The following GIGYF2 variants were observed in gnomAD, a reference collection of about 807,000 sequenced individuals.
The protein encoded by GIGYF2 is GRB10-interacting GYF protein 2.
In GIGYF2, 25 loss-of-function variants were observed where a neutral mutation model predicts 208.1. The ratio of observed to expected loss-of-function variants is 0.12; its 90% confidence interval spans 0.09 to 0.17. GIGYF2 has a LOEUF of 0.17. Ranked by LOEUF, GIGYF2 falls within the 10% of genes least tolerant of loss-of-function variation. GIGYF2 has a pLI of 1.00. For missense variants in GIGYF2, 1,302 were observed against 1,579.4 expected, an observed-to-expected ratio of 0.82 and a Z score of 2.98; for synonymous variants, 534 against 543.8, an observed-to-expected ratio of 0.98 and a Z score of 0.25.
chr2:232,851,334 G>A (rs561335404), intron 28 of GIGYF2, among the ~76,000 whole-genome samples: 4 of 152,156 alleles, frequency 2.6e-5, no homozygotes, highest in Non-Finnish European at 5.9e-5. Flanking sequence ...AAGAATGGCA[G>A]AAAGGATGGG....
intron 8 of GIGYF2, among the ~76,000 whole-genome samples, chr2:232,775,884 C>T (rs1270734207): frequency 6.6e-6 from 1 of 152,126 alleles, no homozygotes; most frequent in Non-Finnish European, 1.5e-5. Context: ...TTCTCCTGCC[C>T]TCCACAATTA....
rs770408139 is a variant in GIGYF2 at position 232,791,269 on chromosome 2, G to A, written c.1105G>A (p.Glu369Lys). ...TDRVGVEASE[E>K]TPQTSSSSAR... is the part of the protein sequence containing the mutation. ...ACTTCGTGTTCCAGAAGCTAGTGAG[G>A]AAACTCCCCAGACCTCATCATCATC... Residue 369 changes from glutamate to lysine, a missense_variant, in exon 12 of 29, where the codon GAA becomes AAA. Around this residue, in one of 8 missense-constraint regions of GIGYF2, gnomAD observed 235 missense variants for 218.8 expected, o/e 1.07. Coordinates refer to ENST00000373563, the MANE Select transcript of GIGYF2 (RefSeq NM_001103146.3). 5 of 1,614,034 alleles carry A rather than the reference G, an allele frequency of 3.1e-6. No homozygotes were observed. The South Asian group carries it at 4.4e-5, about 14-fold the overall frequency.
intron 9 of GIGYF2, 51 bp from the exon 10 acceptor site, chr2:232,790,647 A>G (rs1700041873): frequency 7.1e-7 from 1 of 1,411,996 alleles, no homozygotes; most frequent in African/African-American, 1.4e-5. Context: ...TTTCTTATTC[A>G]AATACTGTCA....
At chr2:232,817,158 C>A (rs1700941094) in intron 20 of GIGYF2, 126 bp downstream of exon 20, 3 of 791,792 alleles carry the variant, frequency 3.8e-6, no homozygotes, top group Non-Finnish European at 6.8e-6. Flanking sequence ...AGAAGACTCA[C>A]TCACCTTTGG....
At chr2:232,718,001 A>G (rs1234003906) in intron 2 of GIGYF2, among the ~76,000 whole-genome samples, 2 of 152,154 alleles carry the variant, frequency 1.3e-5, no homozygotes, top group South Asian at 2.1e-4. Flanking sequence ...CATACAGTAT[A>G]TATTTTTTTC....
At position 232,857,285 on chromosome 2, in the gene GIGYF2, G is replaced by A. The variant is rs1398087887; in HGVS notation, c.*425G>A. On this transcript the variant is annotated 3_prime_UTR_variant, in exon 29 of 29. Transcript: ENST00000373563. ...CATCAGGGCAAATGGTCTAACTGGTGCAATCATGAAGAGAGTTAATGGTTA... is the reference window on the plus strand; with the variant it reads ...CATCAGGGCAAATGGTCTAACTGGTACAATCATGAAGAGAGTTAATGGTTA... The A allele has an allele frequency of 1.8e-5, 5 of 282,038 alleles. No individual in the cohort carries two copies. Among genetic ancestry groups the A allele is most frequent in the African/African-American group, 6.7e-5 (3 of 45,106 alleles). 17.5% of individuals were successfully genotyped at this position (282,038 alleles called of 1,614,324 possible).
intron 1 of GIGYF2, 133 bp downstream of exon 1, chr2:232,697,525 G>T (rs550297422): frequency 2.0e-5 from 3 of 152,630 alleles, no homozygotes; most frequent in South Asian, 4.1e-4. Flanking sequence ...TGGCCCGGCC[G>T]CATGGACACC....
chr2:232,749,166 A>G (rs1698253878), intron 5 of GIGYF2, 84 bp downstream of exon 5: 6 of 792,296 alleles, frequency 7.6e-6, no homozygotes, highest in Admixed American at 1.7e-5. Context: ...TTTATGCTCT[A>G]AGGATTATCC....
intron 5 of GIGYF2, 54 bp downstream of exon 5, chr2:232,749,136 A>G (rs1698252913): frequency 2.3e-6 from 2 of 877,634 alleles, no homozygotes; most frequent in Admixed American, 3.4e-5. Context: ...CTGCTAAGGC[A>G]TGAAAATAGG....
intron 2 of GIGYF2, among the ~76,000 whole-genome samples, chr2:232,725,945 GGGGC>G (rs1697179661): frequency 6.6e-6 from 1 of 152,194 alleles, no homozygotes; most frequent in Admixed American, 6.5e-5. Flanking sequence ...AGAAGAGGTT[GGGGC>G]TACTTGTAAA....
intron 2 of GIGYF2, among the ~76,000 whole-genome samples, chr2:232,716,407 C>G (rs1439410988): frequency 1.5e-5 from 2 of 131,060 alleles, no homozygotes; most frequent in Non-Finnish European, 3.1e-5. Context: ...GAGACAGAGT[C>G]TCACTCTGTC....
chr2:232,766,029 A>G, intron 8 of GIGYF2: 1 of 471,050 alleles, frequency 2.1e-6, no homozygotes. Flanking sequence ...CCTCCCTCCC[A>G]GTAATTTCCG....
chr2:232,842,488 A>G (rs530889622), intron 23 of GIGYF2, among the ~76,000 whole-genome samples: 1 of 152,308 alleles, frequency 6.6e-6, no homozygotes, highest in Non-Finnish European at 1.5e-5. Context: ...ACTTACTGAT[A>G]GCTTCTTAAA....
chr2:232,819,889 A>G lies in GIGYF2; in HGVS notation c.2433A>G (p.Glu811=). The G allele has an allele frequency of 1.3e-6, 2 of 1,597,078 alleles. No homozygotes were observed. Among genetic ancestry groups the G allele is most frequent in the Non-Finnish European group, 1.7e-6 (2 of 1,167,314 alleles). Residue 811 remains glutamate (E), a synonymous_variant, in exon 21 of 29, where the codon GAA becomes GAG. Coordinates refer to ENST00000373563, the MANE Select transcript of GIGYF2 (RefSeq NM_001103146.3). ...EIALRRQREE[E]ERQQQEEALR... ...CATTAAGGCGACAGCGAGAAGAGGA[A>G]GAAAGACAGCAGCAAGAAGAAGCTC...
chr2:232,706,758 T>A (rs1041174148), intron 2 of GIGYF2, among the ~76,000 whole-genome samples: 36 of 151,802 alleles, frequency 2.4e-4, no homozygotes, highest in African/African-American at 8.5e-4. Context: ...CCAGCCTGAG[T>A]GACAGAGCAA....
chr2:232,771,704 G>C (rs1359981255), intron 8 of GIGYF2, among the ~76,000 whole-genome samples: 2 of 152,124 alleles, frequency 1.3e-5, no homozygotes, highest in African/African-American at 4.8e-5. Context: ...ACAAGTCCGG[G>C]TGTCAAGCAT....
chr2:232,852,666 C>T (rs1426464329), intron 28 of GIGYF2, among the ~76,000 whole-genome samples: 2 of 151,912 alleles, frequency 1.3e-5, no homozygotes, highest in African/African-American at 4.8e-5. Context: ...ATTCTGTTTT[C>T]CTCTGCTTGT....
rs867240113 is a variant in GIGYF2, at chr2:232,789,864, G to T, written c.713-834G>T. 2.6e-5 allele frequency among the ~76,000 whole-genome samples: 4 copies of T among 152,084 alleles called. No homozygotes were observed. In the South Asian group the frequency reaches 8.3e-4, roughly 32 times the overall value. The stretch of plus-strand genomic sequence containing the variant: ...TTTTTTAGAAAAATATCTTAAGTAG[G>T]ATCTCTTATTATTAGGCAATCTTTT... On this transcript the variant is annotated intron_variant, in intron 9 of 28. Coordinates refer to ENST00000373563, the MANE Select transcript of GIGYF2 (RefSeq NM_001103146.3).
In GIGYF2 at chr2:232,844,245, G is replaced by A; in HGVS notation, c.3089G>A (p.Arg1030His). 1 of 1,577,256 alleles carries A rather than the reference G, an allele frequency of 6.3e-7. No homozygotes were observed. Among genetic ancestry groups the A allele is most frequent in the East Asian group, 2.3e-5 (1 of 42,794 alleles). Residue 1030 changes from arginine to histidine, a missense_variant, in exon 24 of 29, where the codon CGT becomes CAT. Around this residue, in one of 8 missense-constraint regions of GIGYF2, gnomAD observed 701 missense variants for 793.0 expected, o/e 0.88. Coordinates refer to ENST00000373563, the MANE Select transcript of GIGYF2 (RefSeq NM_001103146.3). ...CAACACCAGCAACCAAACAGAGCTC[G>A]TAACAATACGGTGTGTGCATTTTCC... ...QQQHQQPNRARNNTHSNLHTS... is the reference protein window; with the variant it reads ...QQQHQQPNRAHNNTHSNLHTS...
Sources: gnomAD v4.1 joint callset for allele counts (sites outside exome capture counted in the v4.1 genomes callset) on GRCh38, gnomAD v4.1.1 for gene constraint, gnomAD v4.1.1 regional missense constraint, MANE v1.5 for transcripts, NCBI Gene and HGNC (gene_info 2026-07-23, HGNC 2026-07-21) for gene names.